Variants in CHFR observed in about 807,000 individuals in gnomAD.
CHFR encodes the protein checkpoint with forkhead and ring finger domains.
A neutral mutation model predicts 87.6 loss-of-function variants in CHFR; 57 were observed. The ratio of observed to expected loss-of-function variants is 0.65; its 90% CI spans 0.53 to 0.81. CHFR has a LOEUF of 0.81. CHFR is among the 30% of genes least tolerant of loss of function. The probability of loss-of-function intolerance (pLI) is 0.00; values close to 1 mark genes in which losing one functional copy is unlikely to be tolerated. For missense variants in CHFR, 797 were observed against 865.8 expected (o/e 0.92, Z 1.00); for synonymous variants, 381 against 359.2 (o/e 1.06, Z -0.69).
At chr12:132,848,508 G>T in intron 13 of CHFR, 133 bp downstream of exon 13, 1 of 727,160 alleles carries the variant, frequency 1.4e-6, no homozygotes, top group Non-Finnish European at 2.4e-6. Flanking sequence ...CCAGGAATAG[G>T]TATCATTTGA....
At position 132,873,543 on chromosome 12, in the gene CHFR, GC is replaced by G. The variant is rs1593514161; in HGVS notation, c.234-1150del. On this transcript the variant is annotated intron_variant, in intron 3 of 17. Coordinates refer to ENST00000450056, the MANE Select transcript of CHFR (RefSeq NM_001161346.2). ...TTTCTGTGTCCTCCTGCTCCACAGGGCTGGCTACGGGGCTGGAGTGCACACG... is the reference window on the plus strand; with the variant it reads ...TTTCTGTGTCCTCCTGCTCCACAGGGTGGCTACGGGGCTGGAGTGCACACG... Among the ~76,000 whole-genome samples the G allele has an allele frequency of 4.6e-5, 7 of 152,146 alleles. No individual in the cohort carries two copies. The East Asian group carries it at 1.4e-3, about 30-fold the overall frequency.
intron 2 of CHFR, among the ~76,000 whole-genome samples, 178 bp from the exon 3 acceptor site, chr12:132,877,832 T>C (rs1462134174): frequency 1.3e-5 from 2 of 151,206 alleles, no homozygotes; most frequent in African/African-American, 4.9e-5. Flanking sequence ...AGACGGAGTC[T>C]CGCTCTGTCG....
intron 17 of CHFR, 133 bp from the exon 18 acceptor site, chr12:132,841,729 AAG>A (rs1306322392): frequency 1.3e-6 from 1 of 769,962 alleles, no homozygotes; most frequent in African/African-American, 1.7e-5. Flanking sequence ...CTACCTGAGA[AAG>A]AGTGTGTGTG....
intron 15 of CHFR, 29 bp from the exon 16 acceptor site, chr12:132,844,163 A>G (rs770268372): frequency 2.1e-6 from 2 of 968,546 alleles, no homozygotes; most frequent in Non-Finnish European, 2.9e-6. Context: ...GTTACCCAGC[A>G]ACACCATCTT....
At chr12:132,860,277 C>A (rs1455326550) in intron 7 of CHFR, among the ~76,000 whole-genome samples, 1 of 143,036 alleles carries the variant, frequency 7.0e-6, no homozygotes, top group Non-Finnish European at 1.6e-5. Flanking sequence ...TCCTGAGACA[C>A]CCCTGCCAAC....
At chr12:132,859,940 A>G (rs1484665114) in intron 7 of CHFR, among the ~76,000 whole-genome samples, 2 of 151,934 alleles carry the variant, frequency 1.3e-5, no homozygotes, top group African/African-American at 4.8e-5. Flanking sequence ...AGCTACTCGG[A>G]AGGCTGAGGT....
rs1566189061 is a variant in CHFR at position 132,861,475 on chromosome 12, A to G, written c.743T>C (p.Met248Thr). Residue 248 changes from methionine (M) to threonine (T), a missense_variant, in exon 7 of 18, where the codon ATG (methionine) becomes ACG (threonine). Met to Thr is a moderately conservative substitution (Grantham distance 81). Transcript: ENST00000450056. ...QEDLEPVKKKMRGDGDLDLNG... is the reference protein window; with the variant it reads ...QEDLEPVKKKTRGDGDLDLNG... ...CACAACCAGACACTAACCTCCTCTCATTTTCTTCTTCACGGGCTCCAAATC... is the reference window on the plus strand; with the variant it reads ...CACAACCAGACACTAACCTCCTCTCGTTTTCTTCTTCACGGGCTCCAAATC... 3.1e-6 allele frequency: 5 copies of G among 1,613,868 alleles called. No individual in the cohort carries two copies. Among genetic ancestry groups the G allele is most frequent in the Non-Finnish European group, 4.2e-6 (5 of 1,179,808 alleles).
At chr12:132,871,127 C>T (rs962760136) in intron 4 of CHFR, among the ~76,000 whole-genome samples, 3 of 152,198 alleles carry the variant, frequency 2.0e-5, no homozygotes, top group African/African-American at 7.2e-5. Flanking sequence ...ACATATTTGC[C>T]CCATTCTCCC....
rs773617187 is a variant in CHFR, at chr12:132,870,731, T to C, written c.396A>G (p.Glu132=). 2 of 1,607,516 alleles carry C rather than the reference T, an allele frequency of 1.2e-6. No individual in the cohort carries two copies. The highest frequency in any genetic ancestry group is 1.7e-6 in the Non-Finnish European group (2 of 1,174,078). ...SLSEKQGMTQ[E]SFDTSGAGAG... ...TGCTACACTCTTACTTACCAAAGGA[T>C]TCTTGTGTCATGCCTTGCTTTTCAC... Residue 132 remains glutamate, a synonymous_variant, in exon 5 of 18, where the codon GAA becomes GAG. Coordinates refer to ENST00000450056, the MANE Select transcript of CHFR (RefSeq NM_001161346.2).
chr12:132,860,263 T>C (rs538136772), intron 7 of CHFR, among the ~76,000 whole-genome samples: 110 of 148,112 alleles, frequency 7.4e-4, no homozygotes, highest in Non-Finnish European at 1.4e-3. Context: ...AGAGAAAAAC[T>C]CTGTCCTGAG....
intron 4 of CHFR, 175 bp downstream of exon 4, chr12:132,872,110 G>A (rs1033712341): frequency 2.6e-5 from 14 of 538,230 alleles, no homozygotes; most frequent in Admixed American, 6.7e-5. Flanking sequence ...CTGCAAAGTC[G>A]ACACTCCCAC....
At chr12:132,877,218 C>T (rs1028467280) in intron 3 of CHFR, among the ~76,000 whole-genome samples, 1 of 152,146 alleles carries the variant, frequency 6.6e-6, no homozygotes, top group Non-Finnish European at 1.5e-5. Flanking sequence ...TTACAACTGC[C>T]TATAGCATTC....
At position 132,841,417 on chromosome 12, in the gene CHFR, C is replaced by T. The variant is rs1950701848; in HGVS notation, c.*137G>A. 1 of 764,018 alleles carries T rather than the reference C, an allele frequency of 1.3e-6. No homozygotes were observed. The allele number at this position is 764,018 out of a possible 1,614,324, so 47.3% of individuals were successfully genotyped here. A position where few individuals can be genotyped will look rare whatever the true frequency, so the allele number is the denominator to read the frequency against. ...AGGGTAAAGCTCCACAGAAGAGTCA[C>T]CCCAGAGCACCTGTCGGAGACCCTG... On this transcript the variant is annotated 3_prime_UTR_variant, in exon 18 of 18. Coordinates refer to ENST00000450056, the MANE Select transcript of CHFR (RefSeq NM_001161346.2).
intron 6 of CHFR, among the ~76,000 whole-genome samples, chr12:132,868,286 C>G (rs1171468327): frequency 1.3e-5 from 2 of 152,144 alleles, no homozygotes; most frequent in African/African-American, 4.8e-5. Flanking sequence ...GTCAGGAGAT[C>G]GAGACCATCC....
At chr12:132,861,315 G>GA in intron 7 of CHFR, 152 bp downstream of exon 7, 3 of 694,928 alleles carry the variant, frequency 4.3e-6, no homozygotes, top group Non-Finnish European at 7.3e-6. Flanking sequence ...TTTTCTGAAT[G>GA]AAAATGCCGG....
At chr12:132,846,070 T>C (rs1289171667) in intron 15 of CHFR, among the ~76,000 whole-genome samples, 2 of 152,012 alleles carry the variant, frequency 1.3e-5, no homozygotes, top group African/African-American at 2.4e-5. Flanking sequence ...TCCTTAAAAG[T>C]TTCTTTTGTC....
At position 132,847,045 on chromosome 12, in the gene CHFR, G is replaced by C; in HGVS notation, c.1733C>G (p.Ser578Cys). ...CAGGAGGCAACAGAAGAACTCACCA[G>C]ACAGCAGAAACACTCCCCGCTGGAG... ...VALQRGVFLL[S>C]DYRVTGDTVL... Residue 578 changes from serine (S) to cysteine (C), a missense_variant and splice_region_variant, in exon 15 of 18, where the codon TCT becomes TGT. Physicochemically the swap from Ser to Cys is moderately radical, Grantham distance 112. Coordinates refer to ENST00000450056, the MANE Select transcript of CHFR (RefSeq NM_001161346.2). The C allele has an allele frequency of 1.9e-6, 3 of 1,611,430 alleles. No homozygotes were observed. Among genetic ancestry groups the C allele is most frequent in the Non-Finnish European group, 2.5e-6 (3 of 1,177,864 alleles).
intron 7 of CHFR, among the ~76,000 whole-genome samples, chr12:132,860,434 A>G (rs566842569): frequency 6.6e-6 from 1 of 152,148 alleles, no homozygotes; most frequent in Admixed American, 6.5e-5. Flanking sequence ...AAATTTCCTC[A>G]TTCCTGTGCT....
At chr12:132,886,699 A>C (rs1401924292) in intron 2 of CHFR, among the ~76,000 whole-genome samples, 1 of 152,200 alleles carries the variant, frequency 6.6e-6, no homozygotes, top group African/African-American at 2.4e-5. Flanking sequence ...TTTTAATATA[A>C]GCACTACAGC....
Sources: gnomAD v4.1 joint callset for allele counts (sites outside exome capture counted in the v4.1 genomes callset) on GRCh38, gnomAD v4.1.1 for gene constraint, MANE v1.5 for transcripts, NCBI Gene and HGNC (gene_info 2026-07-23, HGNC 2026-07-21) for gene names.